Variants in AKAP6 observed in about 807,000 individuals in gnomAD.
The protein encoded by AKAP6 is A-kinase anchor protein 6.
AKAP6 carries 58 observed loss-of-function variants against 188.5 expected under a neutral mutation model. The observed-to-expected ratio is 0.31, with a 90% CI of 0.25 to 0.38. AKAP6 has a LOEUF of 0.38. Among genes scored for constraint, AKAP6 ranks in the 10% least tolerant of loss-of-function variants. The pLI, the probability that AKAP6 is intolerant of heterozygous loss-of-function variation, is 1.00. For synonymous variants in AKAP6, 989 were observed against 998.6 expected (o/e 0.99, Z 0.18); for missense variants, 2,710 against 2,740.0 (o/e 0.99, Z 0.24).
intron 2 of AKAP6, among the ~76,000 whole-genome samples, chr14:32,443,959 T>C (rs767602351): frequency 5.3e-5 from 8 of 152,116 alleles, no homozygotes; most frequent in Non-Finnish European, 8.8e-5. Flanking sequence ...GTTTTGGATA[T>C]GAAAGACAGA....
intron 2 of AKAP6, among the ~76,000 whole-genome samples, chr14:32,480,809 AAGATCCTACTGGTCC>A (rs1879303330): frequency 1.3e-5 from 2 of 152,142 alleles, no homozygotes; most frequent in Admixed American, 6.6e-5. Flanking sequence ...CTCAAGCCTG[AAGATCCTACTGGTCC>A]AGGAAAATGT....
intron 8 of AKAP6, among the ~76,000 whole-genome samples, chr14:32,686,575 A>T (rs112902055): frequency 0.023 from 3,528 of 152,234 alleles, 135 homozygotes; most frequent in African/African-American, 0.078. Context: ...TATACGTACT[A>T]TGTACCCACA....
intron 1 of AKAP6, among the ~76,000 whole-genome samples, chr14:32,344,815 C>T (rs902698783): frequency 4.0e-5 from 6 of 150,852 alleles, no homozygotes; most frequent in Non-Finnish European, 7.4e-5. Flanking sequence ...ACTCAGGAGG[C>T]TGAGGCATGG....
At chr14:32,800,726 G>A (rs2033922826) in intron 12 of AKAP6, among the ~76,000 whole-genome samples, 1 of 152,000 alleles carries the variant, frequency 6.6e-6, no homozygotes, top group Non-Finnish European at 1.5e-5. Context: ...TTTAAAGTGG[G>A]TTTGTGGGCC....
At chr14:32,709,071 G>C (rs1890933420) in intron 9 of AKAP6, among the ~76,000 whole-genome samples, 1 of 152,010 alleles carries the variant, frequency 6.6e-6, no homozygotes, top group African/African-American at 2.4e-5. Context: ...TTCAAATTTG[G>C]CTAGCATCTT....
chr14:32,402,791 G>A (rs946141095), intron 1 of AKAP6, among the ~76,000 whole-genome samples: 3 of 151,684 alleles, frequency 2.0e-5, no homozygotes, highest in Middle Eastern at 3.4e-3. Flanking sequence ...ATACAGTGGC[G>A]TGATCTCGGC....
chr14:32,759,940 C>T (rs567480865), intron 11 of AKAP6, among the ~76,000 whole-genome samples: 73 of 152,332 alleles, frequency 4.8e-4, no homozygotes, highest in South Asian at 6.2e-4. Context: ...GCCATTCTAA[C>T]TCTTAATAAA....
At chr14:32,760,217 A>G (rs1171702871) in intron 11 of AKAP6, among the ~76,000 whole-genome samples, 1 of 152,244 alleles carries the variant, frequency 6.6e-6, no homozygotes, top group Non-Finnish European at 1.5e-5. Flanking sequence ...CTAGAAGTTA[A>G]TCAGAGAAGA....
chr14:32,389,728 A>T (rs1888647832), intron 1 of AKAP6, among the ~76,000 whole-genome samples: 2 of 152,154 alleles, frequency 1.3e-5, no homozygotes, highest in South Asian at 4.1e-4. Context: ...TTAATCCGAT[A>T]GGTTTTCCGT....
At chr14:32,365,636 C>T (rs985334568) in intron 1 of AKAP6, among the ~76,000 whole-genome samples, 3 of 152,112 alleles carry the variant, frequency 2.0e-5, no homozygotes, top group African/African-American at 4.8e-5. Flanking sequence ...CCACTTGTAC[C>T]GAAGTCGACT....
At chr14:32,732,248 A>G (rs931595472) in intron 9 of AKAP6, among the ~76,000 whole-genome samples, 1 of 148,334 alleles carries the variant, frequency 6.7e-6, no homozygotes, top group African/African-American at 2.5e-5. Flanking sequence ...AGTCAACTAA[A>G]TGTAATAACT....
intron 7 of AKAP6, among the ~76,000 whole-genome samples, chr14:32,655,357 ACC>A (rs1454140275): frequency 2.6e-5 from 4 of 152,198 alleles, no homozygotes; most frequent in Non-Finnish European, 5.9e-5. Flanking sequence ...TAAGTGTTAA[ACC>A]ATATGGTATA....
chr14:32,550,269 T>C (rs1566570741), intron 4 of AKAP6, among the ~76,000 whole-genome samples: 4 of 152,192 alleles, frequency 2.6e-5, no homozygotes, highest in Admixed American at 6.5e-5. Flanking sequence ...AGTAGCTGGT[T>C]TGAAGTAGAG....
intron 1 of AKAP6, among the ~76,000 whole-genome samples, chr14:32,359,126 C>T (rs551237790): frequency 9.9e-5 from 15 of 152,006 alleles, no homozygotes; most frequent in African/African-American, 1.5e-4. Flanking sequence ...AAAAGAGAGA[C>T]GCATAACAAC....
At position 32,780,157 on chromosome 14, in the gene AKAP6, C is replaced by CATATATATATATATATAT. The variant is rs59506546; in HGVS notation, c.3588+6278_3588+6279insATATATATATATATATAT. 1.4e-3 allele frequency among the ~76,000 whole-genome samples: 173 copies of CATATATATATATATATAT among 119,330 alleles called. 6 individuals carry two copies. The highest frequency in any genetic ancestry group is 4.4e-3 in the African/African-American group (139 of 31,252). The allele number at this position is 119,330 out of a possible 152,430, so 78.3% of individuals were successfully genotyped here. A position where few individuals can be genotyped will look rare whatever the true frequency, so the allele number is the denominator to read the frequency against. ...TGGAAAAAGAAATTGAAAAAAAAAA[C>CATATATATATATATATAT]ATATATATATATATGCATGCTTATA... is the stretch of plus-strand genomic sequence containing the variant. On this transcript the variant is annotated intron_variant, in intron 12 of 13. Transcript: ENST00000280979.
At chr14:32,746,931 G>A (rs2031935609) in intron 11 of AKAP6, among the ~76,000 whole-genome samples, 1 of 152,034 alleles carries the variant, frequency 6.6e-6, no homozygotes, top group Admixed American at 6.5e-5. Context: ...TATAGAACAG[G>A]GCCTTTAAAA....
At chr14:32,483,735 C>T (rs541814516) in intron 2 of AKAP6, among the ~76,000 whole-genome samples, 2 of 152,230 alleles carry the variant, frequency 1.3e-5, no homozygotes, top group Non-Finnish European at 2.9e-5. Context: ...CTGCATGCCT[C>T]AGCCTCCCAA....
intron 4 of AKAP6, among the ~76,000 whole-genome samples, chr14:32,569,179 T>C (rs1884346325): frequency 6.6e-6 from 1 of 152,222 alleles, no homozygotes; most frequent in African/African-American, 2.4e-5. Flanking sequence ...TACCATTCCA[T>C]GCCATTTTGC....
intron 9 of AKAP6, among the ~76,000 whole-genome samples, chr14:32,719,134 A>G (rs1308863821): frequency 6.6e-6 from 1 of 151,154 alleles, no homozygotes; most frequent in Non-Finnish European, 1.5e-5. Flanking sequence ...TAGATGTGAA[A>G]ACCCTTTGAA....
Sources: gnomAD v4.1 joint callset for allele counts (sites outside exome capture counted in the v4.1 genomes callset) on GRCh38, gnomAD v4.1.1 for gene constraint, MANE v1.5 for transcripts, NCBI Gene and HGNC (gene_info 2026-07-23, HGNC 2026-07-21) for gene names.